ZNF710: variants seen among roughly 807,000 people sequenced by gnomAD.
ZNF710 encodes the protein zinc finger protein 710.
In ZNF710, 13 loss-of-function variants were observed where a neutral mutation model predicts 50.6. The observed-to-expected ratio is 0.26, with a 90% CI of 0.17 to 0.41. ZNF710 has a LOEUF of 0.41. Ranked by LOEUF, ZNF710 falls within the 10% of genes least tolerant of loss-of-function variation. The pLI, the probability that ZNF710 is intolerant of heterozygous loss-of-function variation, is 1.00. For synonymous variants in ZNF710, 383 were observed against 397.0 expected, an observed-to-expected ratio of 0.96 and a Z score of 0.42; for missense variants, 721 against 936.6, an observed-to-expected ratio of 0.77 and a Z score of 3.01.
At chr15:90,008,466 A>T (rs966725460) in intron 1 of ZNF710, among the ~76,000 whole-genome samples, 1 of 145,198 alleles carries the variant, frequency 6.9e-6, no homozygotes, top group African/African-American at 2.6e-5. Flanking sequence ...ATATATATAT[A>T]CATGAAGTAA....
chr15:90,004,823 A>G (rs985822655), intron 1 of ZNF710, among the ~76,000 whole-genome samples: 1 of 152,240 alleles, frequency 6.6e-6, no homozygotes, highest in Non-Finnish European at 1.5e-5. Context: ...AGTTGGGTAA[A>G]TGGAGCGCCT....
At chr15:90,015,899 G>A (rs998378689) in intron 1 of ZNF710, among the ~76,000 whole-genome samples, 15 of 152,128 alleles carry the variant, frequency 9.9e-5, no homozygotes, top group Admixed American at 7.2e-4. Context: ...GTGAGTCACC[G>A]CGCCCAATGC....
At chr15:90,019,189 T>C (rs1596268701) in intron 1 of ZNF710, among the ~76,000 whole-genome samples, 1 of 42,964 alleles carries the variant, frequency 2.3e-5, no homozygotes, top group Non-Finnish European at 6.1e-5. Context: ...TTTTCTTTCT[T>C]TTTTTTTTTT....
intron 1 of ZNF710, among the ~76,000 whole-genome samples, chr15:90,031,304 T>C (rs75436823): frequency 6.6e-6 from 1 of 152,168 alleles, no homozygotes; most frequent in Non-Finnish European, 1.5e-5. Context: ...GGGATTGAAA[T>C]GTACCCTGGG....
intron 1 of ZNF710, among the ~76,000 whole-genome samples, chr15:90,009,951 T>TA (rs1898255311): frequency 6.6e-6 from 1 of 152,190 alleles, no homozygotes; most frequent in Admixed American, 6.5e-5. Context: ...GACTTCCTCT[T>TA]ACCTGACTTC....
rs1430693228 is a variant in ZNF710, at chr15:90,068,632, C to T, written c.1458+37C>T. 5 of 1,543,600 alleles carry T rather than the reference C, an allele frequency of 3.2e-6. No individual in the cohort carries two copies. The highest frequency in any genetic ancestry group is 2.7e-5 in the African/African-American group (2 of 73,856). ...CCCAGGGCCTGGGCATCTGCCTGCC[C>T]CTCCTGCCACTTTTTCATCCAGTAC... On this transcript the variant is annotated intron_variant, in intron 2 of 4. Coordinates refer to ENST00000268154, the MANE Select transcript of ZNF710 (RefSeq NM_198526.4). The surrounding 1 kb of genome is among the most constrained non-coding windows in gnomAD (Gnocchi z 5.0).
intron 1 of ZNF710, among the ~76,000 whole-genome samples, chr15:90,057,670 C>T (rs897362286): frequency 6.9e-6 from 1 of 144,426 alleles, no homozygotes; most frequent in Admixed American, 6.9e-5. Context: ...GCACTCCAGC[C>T]TGGGTTACAG....
chr15:90,065,736 G>A (rs1195778018), intron 1 of ZNF710, among the ~76,000 whole-genome samples: 1 of 152,178 alleles, frequency 6.6e-6, no homozygotes, highest in Non-Finnish European at 1.5e-5. Context: ...GGGCACATTG[G>A]CACTATTTAG....
At chr15:90,042,225 C>T (rs1368487710) in intron 1 of ZNF710, among the ~76,000 whole-genome samples, 3 of 152,004 alleles carry the variant, frequency 2.0e-5, no homozygotes, top group Non-Finnish European at 2.9e-5. Context: ...TTCCATGCCC[C>T]CCCTTCTCTC....
At chr15:90,008,441 C>CATATATAT (rs1011267136) in intron 1 of ZNF710, among the ~76,000 whole-genome samples, 4 of 126,512 alleles carry the variant, frequency 3.2e-5, no homozygotes, top group African/African-American at 1.5e-4. Context: ...TATATATATA[C>CATATATAT]ATATATATAT....
chr15:90,063,888 G>A (rs1300396675), intron 1 of ZNF710, among the ~76,000 whole-genome samples: 1 of 152,124 alleles, frequency 6.6e-6, no homozygotes, highest in African/African-American at 2.4e-5. Flanking sequence ...GGGAACTAAC[G>A]ACACTGACAT....
At chr15:90,064,746 A>G (rs1305061323) in intron 1 of ZNF710, among the ~76,000 whole-genome samples, 1 of 152,104 alleles carries the variant, frequency 6.6e-6, no homozygotes, top group Non-Finnish European at 1.5e-5. Flanking sequence ...CCTCAGCCTC[A>G]CAAAGTGCTG....
At chr15:90,035,698 A>G (rs1899102019) in intron 1 of ZNF710, among the ~76,000 whole-genome samples, 1 of 152,246 alleles carries the variant, frequency 6.6e-6, no homozygotes, top group South Asian at 2.1e-4. Flanking sequence ...GTATTTGGAT[A>G]GCAAACAGCG....
At chr15:89,998,503 A>G (rs762171440), upstream of ZNF710, among the ~76,000 whole-genome samples, 3 of 152,182 alleles carry the variant, frequency 2.0e-5, no homozygotes, top group Non-Finnish European at 4.4e-5. Flanking sequence ...CCAGTGGGAC[A>G]CTGGTCATCT....
intron 1 of ZNF710, among the ~76,000 whole-genome samples, chr15:90,042,000 T>C (rs1899310990): frequency 6.6e-6 from 1 of 150,598 alleles, no homozygotes; most frequent in Admixed American, 6.7e-5. Context: ...CGGGTTCAAG[T>C]GATTCTCCTG....
At chr15:90,030,449 A>T (rs1898905117) in intron 1 of ZNF710, among the ~76,000 whole-genome samples, 2 of 151,964 alleles carry the variant, frequency 1.3e-5, no homozygotes, top group African/African-American at 4.8e-5. Flanking sequence ...TTTTGCCAAG[A>T]ACTTGACTTT....
chr15:90,006,222 CT>C (rs1413419885), intron 1 of ZNF710, among the ~76,000 whole-genome samples: 4 of 152,104 alleles, frequency 2.6e-5, no homozygotes, highest in Non-Finnish European at 5.9e-5. Context: ...CTATTTTGCA[CT>C]TGATAAAGAT....
chr15:90,067,734 C>T lies in ZNF710; in HGVS notation c.597C>T (p.Phe199=), dbSNP rs1411888108. Residue 199 remains phenylalanine, a synonymous_variant, in exon 2 of 5, where the codon TTC becomes TTT. Coordinates refer to ENST00000268154, the MANE Select transcript of ZNF710 (RefSeq NM_198526.4). This position sits in a 1 kb window ranked among gnomAD's most constrained non-coding sequence, Gnocchi z 8.1. The stretch of plus-strand genomic sequence containing the variant: ...TCCCGGCCCCGGCCCGGGATGGCTT[C>T]CCCGAGCCCAGCATGGCGCTGCCTG... ...PHFPAPARDG[F]PEPSMALPGP... The T allele has an allele frequency of 8.7e-6, 14 of 1,601,834 alleles. No homozygotes were observed. The highest frequency in any genetic ancestry group is 1.1e-5 in the Non-Finnish European group (13 of 1,174,572).
chr15:90,052,598 C>G (rs1483113246), intron 1 of ZNF710, among the ~76,000 whole-genome samples: 1 of 152,176 alleles, frequency 6.6e-6, no homozygotes, highest in Non-Finnish European at 1.5e-5. Context: ...CACAGCTTCT[C>G]TAAGACTCAG....
Sources: allele counts gnomAD v4.1 joint callset (sites outside exome capture counted in the v4.1 genomes callset), GRCh38; gene constraint gnomAD v4.1.1; non-coding constraint Gnocchi (gnomAD v3.1); transcripts MANE v1.5; gene names NCBI Gene and HGNC (gene_info 2026-07-23, HGNC 2026-07-21).